MID2: variants seen among roughly 807,000 people sequenced by gnomAD.
MID2 encodes the protein probable E3 ubiquitin-protein ligase MID2.
Under a neutral mutation model 46.1 loss-of-function variants are expected in MID2, and 13 were observed. That is an observed-to-expected ratio of 0.28 (90% CI 0.18 to 0.45). The LOEUF is 0.45. Among genes scored for constraint, MID2 ranks in the 20% least tolerant of loss-of-function variants. The pLI, the probability that MID2 is intolerant of heterozygous loss-of-function variation, is 1.00. For synonymous variants in MID2, 199 were observed against 212.3 expected, an observed-to-expected ratio of 0.94 and a Z score of 0.55; for missense variants, 431 against 575.4, an observed-to-expected ratio of 0.75 and a Z score of 2.57.
In MID2 at chrX:107,929,301, T is replaced by G. The variant is rs987350619; in HGVS notation, c.*2228T>G. Reference sequence around the variant, plus strand: ...CCCCAAATTCTTAAACAAAAAAAAATGATTTTTTTCCCCTTCATCAAACTT... The same window carrying G: ...CCCCAAATTCTTAAACAAAAAAAAAGGATTTTTTTCCCCTTCATCAAACTT... On this transcript the variant is annotated 3_prime_UTR_variant, in exon 10 of 10. Coordinates refer to ENST00000262843, the MANE Select transcript of MID2 (RefSeq NM_012216.4). 9.0e-6 allele frequency among the ~76,000 whole-genome samples: 1 copy of G among 110,556 alleles called. No individual in the cohort carries two copies. The highest frequency in any genetic ancestry group is 9.7e-5 in the Admixed American group (1 of 10,323).
chrX:107,865,416 G>T (rs915027816), intron 3 of MID2, among the ~76,000 whole-genome samples: 1 of 112,459 alleles, frequency 8.9e-6, no homozygotes, highest in African/African-American at 3.2e-5. Context: ...AGATGGCTGT[G>T]CCTGGCTGTT....
In MID2 at chrX:107,841,313, C is replaced by G; in HGVS notation, c.648C>G (p.Ala216=). The G allele has an allele frequency of 8.3e-7, 1 of 1,210,673 alleles. No individual in the cohort carries two copies. The highest frequency in any genetic ancestry group is 1.1e-6 in the Non-Finnish European group (1 of 895,005). ...TATCTGATGACCAATTGATCTGTGC[C>G]TTATGCAAACTGGTGGGTCGTCACC... ...YCVSDDQLIC[A]LCKLVGRHRD... is the part of the protein sequence containing the mutation. Residue 216 remains alanine (A), a synonymous_variant, in exon 2 of 10, where the codon GCC becomes GCG. Coordinates refer to ENST00000262843, the MANE Select transcript of MID2 (RefSeq NM_012216.4).
At chrX:107,833,437 T>A (rs754775332) in intron 1 of MID2, among the ~76,000 whole-genome samples, 50 of 107,691 alleles carry the variant, frequency 4.6e-4, no homozygotes, top group South Asian at 2.0e-3. Flanking sequence ...ATATTTTTTT[T>A]AAAAACCTAC....
At chrX:107,854,120 G>C (rs769276957) in intron 2 of MID2, among the ~76,000 whole-genome samples, 1 of 111,850 alleles carries the variant, frequency 8.9e-6, no homozygotes, top group East Asian at 2.8e-4. Flanking sequence ...ACTTATGTTA[G>C]GGTTACATCT....
chrX:107,865,433 T>C (rs1289257061), intron 3 of MID2, among the ~76,000 whole-genome samples: 1 of 112,469 alleles, frequency 8.9e-6, no homozygotes, highest in Non-Finnish European at 1.9e-5. Context: ...TGTTCATCTC[T>C]TATGTGTGTC....
chrX:107,859,232 G>GCCAT (rs1347795631), intron 3 of MID2, among the ~76,000 whole-genome samples: 1 of 111,887 alleles, frequency 8.9e-6, no homozygotes, highest in African/African-American at 3.2e-5. Context: ...AAAAAACACT[G>GCCAT]CTATGGATGA....
intron 1 of MID2, among the ~76,000 whole-genome samples, chrX:107,840,333 T>A (rs1410601335): frequency 8.9e-6 from 1 of 112,166 alleles, no homozygotes; most frequent in Admixed American, 9.4e-5. Flanking sequence ...CTCAGCCTTA[T>A]CTTAGTCTAG....
In MID2 at chrX:107,841,401, A is replaced by G; in HGVS notation, c.720+16A>G. The G allele has an allele frequency of 9.0e-7, 1 of 1,115,241 alleles. No individual in the cohort carries two copies. Among genetic ancestry groups the G allele is most frequent in the Non-Finnish European group, 1.2e-6 (1 of 824,062 alleles). The allele number at this position is 1,115,241 out of a possible 1,213,427, so 91.9% of individuals were successfully genotyped here. A position where few individuals can be genotyped will look rare whatever the true frequency, so the allele number is the denominator to read the frequency against. On this transcript the variant is annotated intron_variant, in intron 2 of 9. Transcript: ENST00000262843. ...GAAACTCAAGGTAAGGGATCTGGGG[A>G]GCATCCCCTATACAACTTTGTCGCA...
chrX:107,881,718 T>C (rs1932322923), intron 3 of MID2, among the ~76,000 whole-genome samples: 1 of 112,311 alleles, frequency 8.9e-6, no homozygotes, highest in Admixed American at 9.4e-5. Context: ...ATATACATGG[T>C]ATTTGAAAAA....
At chrX:107,854,739 A>T in intron 3 of MID2, 35 bp downstream of exon 3, 1 of 1,033,690 alleles carries the variant, frequency 9.7e-7, no homozygotes, top group African/African-American at 1.8e-5. Flanking sequence ...TTTTCAGAGG[A>T]CCTGAAATGG....
chrX:107,852,941 A>G (rs1931661515), intron 2 of MID2, among the ~76,000 whole-genome samples: 1 of 111,695 alleles, frequency 9.0e-6, no homozygotes, highest in African/African-American at 3.3e-5. Context: ...AAGGACTGCT[A>G]GCAGAATGAG....
At chrX:107,893,982 T>C (rs1283909845) in intron 3 of MID2, among the ~76,000 whole-genome samples, 1 of 112,236 alleles carries the variant, frequency 8.9e-6, no homozygotes, top group African/African-American at 3.3e-5. Context: ...CCTTCGATTT[T>C]CCATCTGTAG....
chrX:107,906,066 G>A (rs1044703627), intron 5 of MID2, among the ~76,000 whole-genome samples: 17 of 111,702 alleles, frequency 1.5e-4, no homozygotes, highest in Non-Finnish European at 2.8e-4. Context: ...TAAATTAGAT[G>A]AGAGTCATGA....
chrX:107,913,897 A>G (rs1415858389), intron 5 of MID2, among the ~76,000 whole-genome samples: 1 of 111,516 alleles, frequency 9.0e-6, no homozygotes, highest in Non-Finnish European at 1.9e-5. Flanking sequence ...ATAAAATCCA[A>G]CGTTTGTAAC....
chrX:107,913,446 A>G (rs1234908561), intron 5 of MID2, among the ~76,000 whole-genome samples: 2 of 112,168 alleles, frequency 1.8e-5, no homozygotes, highest in Non-Finnish European at 3.8e-5. Context: ...GGTGTCAAAG[A>G]AGACTTATAT....
At chrX:107,867,383 G>C (rs1266648537) in intron 3 of MID2, among the ~76,000 whole-genome samples, 2 of 106,602 alleles carry the variant, frequency 1.9e-5, no homozygotes, top group Non-Finnish European at 3.9e-5. Context: ...GGATGGTCTC[G>C]ATCTCCTGAC....
chrX:107,897,025 T>C (rs1932751406), intron 3 of MID2, among the ~76,000 whole-genome samples: 1 of 111,597 alleles, frequency 9.0e-6, no homozygotes, highest in South Asian at 3.8e-4. Flanking sequence ...AGTAAACAAG[T>C]GAAAATACAT....
chrX:107,888,605 G>C (rs1932520213), intron 3 of MID2, among the ~76,000 whole-genome samples: 1 of 112,187 alleles, frequency 8.9e-6, no homozygotes, highest in Non-Finnish European at 1.9e-5. Flanking sequence ...GATTTGGGCT[G>C]GAGAGTTCTG....
intron 5 of MID2, among the ~76,000 whole-genome samples, chrX:107,912,667 C>T (rs1347128301): frequency 9.0e-6 from 1 of 111,445 alleles, no homozygotes; most frequent in African/African-American, 3.3e-5. Context: ...TACACGTTCT[C>T]CTTGTTGCAA....
Sources: allele counts gnomAD v4.1 joint callset (sites outside exome capture counted in the v4.1 genomes callset), GRCh38; gene constraint gnomAD v4.1.1; transcripts MANE v1.5; gene names NCBI Gene and HGNC (gene_info 2026-07-23, HGNC 2026-07-21).